The following ZNF385D variants were observed in gnomAD, a reference collection of about 807,000 sequenced individuals.
The protein encoded by ZNF385D is zinc finger protein 385D.
A neutral mutation model predicts 35.8 loss-of-function variants in ZNF385D; 15 were observed. The observed-to-expected ratio is 0.42, with a 90% CI of 0.28 to 0.64. The LOEUF (loss-of-function observed/expected upper bound fraction) is 0.64, where lower values mean the gene tolerates loss of function less well. Among genes scored for constraint, ZNF385D ranks in the 30% least tolerant of loss-of-function variants. ZNF385D has a pLI of 0.23. For missense variants in ZNF385D, 474 were observed against 494.6 expected (o/e 0.96, Z 0.39); for synonymous variants, 212 against 186.8 (o/e 1.13, Z -1.10).
In ZNF385D at chr3:22,251,324, G is replaced by A. The variant is rs570806609; in HGVS notation, c.107-82289C>T. On this transcript the variant is annotated intron_variant, in intron 2 of 5. Coordinates refer to the ZNF385D transcript ENST00000494108. Reference sequence around the variant, plus strand: ...TCTTGTTTTAAGTTCTATAAGAGGCGTAAGCACTCCACCATCAGTATTTCT... The same window carrying A: ...TCTTGTTTTAAGTTCTATAAGAGGCATAAGCACTCCACCATCAGTATTTCT... Among the ~76,000 whole-genome samples the A allele has an allele frequency of 3.3e-5, 5 of 152,136 alleles. No individual in the cohort carries two copies. In the South Asian group the frequency reaches 6.2e-4, roughly 19 times the overall value.
intron 3 of ZNF385D, among the ~76,000 whole-genome samples, chr3:21,781,218 A>C (rs2125636108): frequency 6.6e-6 from 1 of 152,202 alleles, no homozygotes; most frequent in Middle Eastern, 3.4e-3. Context: ...TCAAAGCGAG[A>C]AAAGGGAAAG....
intron 2 of ZNF385D, among the ~76,000 whole-genome samples, chr3:22,263,021 TAAC>T (rs902234188): frequency 2.0e-5 from 3 of 151,944 alleles, no homozygotes; most frequent in African/African-American, 7.2e-5. Context: ...TCTCTTAATC[TAAC>T]AACATTTTCC....
intron 1 of ZNF385D, among the ~76,000 whole-genome samples, chr3:21,675,571 C>T (rs547342557): frequency 2.8e-4 from 43 of 152,092 alleles, no homozygotes; most frequent in Admixed American, 6.6e-4. Flanking sequence ...TCAGAGATTG[C>T]CCTTTTTTGA....
chr3:21,440,217 A>G (rs1701788353), intron 4 of ZNF385D, among the ~76,000 whole-genome samples: 1 of 152,136 alleles, frequency 6.6e-6, no homozygotes, highest in South Asian at 2.1e-4. Flanking sequence ...ACATTAAATT[A>G]CCAGTTATAA....
chr3:22,049,441 A>T (rs1467839388), intron 3 of ZNF385D, among the ~76,000 whole-genome samples: 1 of 151,934 alleles, frequency 6.6e-6, no homozygotes, highest in Admixed American at 6.6e-5. Flanking sequence ...CTTTGTGTGC[A>T]AATAAAAATG....
intron 2 of ZNF385D, among the ~76,000 whole-genome samples, chr3:21,586,824 A>G (rs968309319): frequency 6.6e-6 from 1 of 152,252 alleles, no homozygotes; most frequent in Non-Finnish European, 1.5e-5. Context: ...AGGGTAGACA[A>G]AAACATAAAT....
chr3:21,758,297 G>C (rs1001684320), intron 3 of ZNF385D, among the ~76,000 whole-genome samples: 1 of 152,174 alleles, frequency 6.6e-6, no homozygotes, highest in Non-Finnish European at 1.5e-5. Context: ...GAACATAGCA[G>C]AAATGCATCC....
At chr3:22,203,712 G>A (rs192557378) in intron 2 of ZNF385D, among the ~76,000 whole-genome samples, 13 of 152,206 alleles carry the variant, frequency 8.5e-5, no homozygotes, top group South Asian at 2.1e-4. Context: ...CAAATGGACC[G>A]GTGGTTGTGG....
At chr3:22,180,643 A>G (rs1395934004) in intron 2 of ZNF385D, among the ~76,000 whole-genome samples, 2 of 152,212 alleles carry the variant, frequency 1.3e-5, no homozygotes, top group Admixed American at 6.5e-5. Context: ...ATGCAAATCA[A>G]TAAGCATAAT....
At chr3:21,761,869 C>CTTTTTTTTTTTT (rs58790934) in intron 3 of ZNF385D, among the ~76,000 whole-genome samples, 2 of 77,190 alleles carry the variant, frequency 2.6e-5, no homozygotes, top group East Asian at 4.8e-4. Context: ...CATTTTCTTC[C>CTTTTTTTTTTTT]TTTTTTTTTT....
intron 2 of ZNF385D, among the ~76,000 whole-genome samples, chr3:22,213,005 G>C (rs959358324): frequency 1.3e-5 from 2 of 151,988 alleles, no homozygotes; most frequent in African/African-American, 4.8e-5. Flanking sequence ...TGGTGAATAA[G>C]ATACTATTTT....
intron 3 of ZNF385D, among the ~76,000 whole-genome samples, chr3:21,808,007 T>A (rs113361066): frequency 6.6e-6 from 1 of 152,176 alleles, no homozygotes; most frequent in East Asian, 1.9e-4. Context: ...TGACCAAATA[T>A]GTCTGAAAAT....
intron 4 of ZNF385D, among the ~76,000 whole-genome samples, chr3:21,472,737 A>G (rs1575211083): frequency 2.6e-5 from 4 of 152,110 alleles, no homozygotes; most frequent in Admixed American, 2.6e-4. Flanking sequence ...ATGTTCATAT[A>G]AGGAGATGCC....
intron 2 of ZNF385D, among the ~76,000 whole-genome samples, chr3:22,227,148 G>T (rs554399906): frequency 1.3e-5 from 2 of 151,118 alleles, no homozygotes; most frequent in South Asian, 4.3e-4. Flanking sequence ...ATAATATTTT[G>T]ATCATATATA....
intron 2 of ZNF385D, among the ~76,000 whole-genome samples, chr3:22,296,445 C>T (rs1702582511): frequency 6.6e-6 from 1 of 152,026 alleles, no homozygotes; most frequent in African/African-American, 2.4e-5. Context: ...GGACTGCAAG[C>T]AGTTCTTCAA....
At chr3:21,556,349 G>C (rs1012753376) in intron 3 of ZNF385D, among the ~76,000 whole-genome samples, 3 of 151,962 alleles carry the variant, frequency 2.0e-5, no homozygotes, top group Non-Finnish European at 4.4e-5. Context: ...GGTTTTTATG[G>C]TTTTAGGTCT....
chr3:21,540,113 A>G (rs1044445304), intron 3 of ZNF385D, among the ~76,000 whole-genome samples: 1 of 152,226 alleles, frequency 6.6e-6, no homozygotes, highest in Admixed American at 6.5e-5. Flanking sequence ...TCGAAGTATA[A>G]TTCATATGCA....
chr3:22,356,346 A>G (rs1485951508), intron 2 of ZNF385D, among the ~76,000 whole-genome samples: 1 of 151,976 alleles, frequency 6.6e-6, no homozygotes, highest in Admixed American at 6.6e-5. Flanking sequence ...TGTTTCAAGT[A>G]TTATCTTTGT....
chr3:21,931,496 A>G (rs948402430), intron 3 of ZNF385D, among the ~76,000 whole-genome samples: 6 of 152,236 alleles, frequency 3.9e-5, no homozygotes, highest in African/African-American at 1.2e-4. Flanking sequence ...ATTTATAATA[A>G]CCAAAACTTT....
Sources: allele counts gnomAD v4.1 joint callset (sites outside exome capture counted in the v4.1 genomes callset), GRCh38; gene constraint gnomAD v4.1.1; transcripts MANE v1.5; gene names NCBI Gene and HGNC (gene_info 2026-07-23, HGNC 2026-07-21).